The following ANKHD1 variants were observed in gnomAD, a reference collection of about 807,000 sequenced individuals.
The protein encoded by ANKHD1 is ankyrin repeat and KH domain-containing protein 1.
In ANKHD1, 31 loss-of-function variants were observed where a neutral mutation model predicts 230.5. The observed-to-expected ratio is 0.13, with a 90% CI of 0.10 to 0.18. The LOEUF is 0.18. Among genes scored for constraint, ANKHD1 ranks in the 10% least tolerant of loss-of-function variants. The pLI, the probability that ANKHD1 is intolerant of heterozygous loss-of-function variation, is 1.00. For missense variants in ANKHD1, 2,256 were observed against 3,071.3 expected (o/e 0.73, Z 6.27); for synonymous variants, 1,074 against 1,117.6 (o/e 0.96, Z 0.78).
chr5:140,510,073 A>G lies in ANKHD1; in HGVS notation c.3996A>G (p.Ala1332=). 6.2e-7 allele frequency: 1 copy of G among 1,614,178 alleles called. No homozygotes were observed. Among genetic ancestry groups the G allele is most frequent in the Non-Finnish European group, 8.5e-7 (1 of 1,180,012 alleles). The change falls in exon 22 of 34, where the codon GCA becomes GCG. Residue 1332 remains alanine (A), a synonymous_variant. Transcript: ENST00000360839. The stretch of plus-strand genomic sequence containing the variant: ...AGGGAAATACGCCACTTTGGCTGGC[A>G]TCCAATGGAGGTCATTTTGATGTTG... ...NKKGNTPLWL[A]SNGGHFDVVQ... is the part of the protein sequence containing the mutation.
At chr5:140,419,306 T>TG (rs1175000186) in intron 1 of ANKHD1, among the ~76,000 whole-genome samples, 5 of 82,014 alleles carry the variant, frequency 6.1e-5, no homozygotes, top group Non-Finnish European at 1.4e-4. Flanking sequence ...TCCTGTTGAT[T>TG]GGGTTTTTTT....
Position 140,529,482 on chromosome 5 carries a change from T to G in ANKHD1, c.6536T>G (p.Leu2179Arg). The change falls in exon 29 of 34, where the codon CTT becomes CGT. Residue 2179 changes from leucine to arginine, a missense_variant. Physicochemically the swap from Leu to Arg is moderately radical, Grantham distance 102 (BLOSUM62 -2). This residue lies in a region of ANKHD1 where 778 missense variants were observed against 966.5 expected (regional missense o/e 0.80). Coordinates refer to ENST00000360839, the MANE Select transcript of ANKHD1 (RefSeq NM_017747.3). ...PPQGPPAAVQLSSAVNIMNGS... is the reference protein window; with the variant it reads ...PPQGPPAAVQRSSAVNIMNGS... Reference sequence around the variant, plus strand: ...CAAGGCCCACCAGCTGCAGTGCAGCTTTCTTCAGCTGTGAACATTATGAAT... The same window carrying G: ...CAAGGCCCACCAGCTGCAGTGCAGCGTTCTTCAGCTGTGAACATTATGAAT... The G allele has an allele frequency of 1.9e-6, 3 of 1,614,248 alleles. No individual in the cohort carries two copies. The highest frequency in any genetic ancestry group is 2.5e-6 in the Non-Finnish European group (3 of 1,180,044).
At chr5:140,437,650 G>T (rs564876210) in intron 2 of ANKHD1, among the ~76,000 whole-genome samples, 1 of 152,358 alleles carries the variant, frequency 6.6e-6, no homozygotes, top group Admixed American at 6.5e-5. Flanking sequence ...AGGTTGCAGT[G>T]AGTTGGGATT....
intron 5 of ANKHD1, among the ~76,000 whole-genome samples, chr5:140,442,030 A>ATTTTTTT (rs1561726990): frequency 7.4e-6 from 1 of 134,528 alleles, no homozygotes; most frequent in African/African-American, 2.8e-5. Flanking sequence ...CTAATAAGAT[A>ATTTTTTT]TTCTTTTTTT....
intron 1 of ANKHD1, among the ~76,000 whole-genome samples, chr5:140,416,059 T>C (rs1478447857): frequency 1.3e-5 from 2 of 152,158 alleles, no homozygotes; most frequent in Non-Finnish European, 2.9e-5. Flanking sequence ...GTCCTTGCAA[T>C]AGTTTGCTCA....
At chr5:140,532,776 C>A in intron 29 of ANKHD1, 2 of 422,838 alleles carry the variant, frequency 4.7e-6, no homozygotes, top group Non-Finnish European at 4.7e-6. Flanking sequence ...GTGGCATCTA[C>A]ATTTAGGTCC....
At chr5:140,469,799 G>A (rs911435351) in intron 10 of ANKHD1, among the ~76,000 whole-genome samples, 2 of 151,066 alleles carry the variant, frequency 1.3e-5, no homozygotes, top group Non-Finnish European at 2.9e-5. Flanking sequence ...ATTTCTCATA[G>A]TTATTTAAAT....
At chr5:140,445,308 C>G (rs1402063486) in intron 5 of ANKHD1, among the ~76,000 whole-genome samples, 2 of 151,990 alleles carry the variant, frequency 1.3e-5, no homozygotes, top group Non-Finnish European at 2.9e-5. Flanking sequence ...GAGTTTGAGA[C>G]CAGCCTGCCA....
At chr5:140,458,959 T>TATGC (rs1554088290) in intron 8 of ANKHD1, 97 bp downstream of exon 8, 2 of 21,542 alleles carry the variant, frequency 9.3e-5, no homozygotes, top group East Asian at 3.0e-3. Context: ...TATATATATA[T>TATGC]ATATATATAT....
chr5:140,485,712 C>A lies in ANKHD1; in HGVS notation c.2122C>A (p.Pro708Thr), dbSNP rs1429342197. The change falls in exon 13 of 34, where the codon CCT (proline) becomes ACT (threonine). Residue 708 changes from proline to threonine, a missense_variant. Around this residue, in one of 13 missense-constraint regions of ANKHD1, gnomAD observed 358 missense variants for 397.7 expected, o/e 0.90. Transcript: ENST00000360839. This position sits in a 1 kb window ranked among gnomAD's most constrained non-coding sequence, Gnocchi z 4.8. ...PTTDVSQLPP[P>T]SQDQSQVPRV... ...CACAGATGTGTCTCAGCTCCCTCCA[C>A]CTTCTCAAGATCAGTCTCAGGTAAA... 6.2e-7 allele frequency: 1 copy of A among 1,614,024 alleles called. No individual in the cohort carries two copies.
In ANKHD1 at chr5:140,528,814, A is replaced by G. The variant is rs751594624; in HGVS notation, c.5868A>G (p.Ser1956=). The change falls in exon 29 of 34, where the codon TCA becomes TCG. Residue 1956 remains serine, a synonymous_variant. Transcript: ENST00000360839. ...QLCVTNTRTP[S]SVRKQLFACV... ...GTGTCACTAATACCCGGACTCCTTCATCAGTCAGAAAGCAGTTGTTTGCCT... is the reference window on the plus strand; with the variant it reads ...GTGTCACTAATACCCGGACTCCTTCGTCAGTCAGAAAGCAGTTGTTTGCCT... 4.3e-6 allele frequency: 7 copies of G among 1,614,076 alleles called. No individual in the cohort carries two copies. In the East Asian group the frequency reaches 1.6e-4, roughly 36 times the overall value.
chr5:140,438,424 T>G, intron 2 of ANKHD1, 37 bp from the exon 3 acceptor site: 1 of 1,488,074 alleles, frequency 6.7e-7, no homozygotes, highest in Middle Eastern at 1.8e-4. Context: ...TTTTTTTTGT[T>G]GTTCTGCACT....
chr5:140,468,051 T>C (rs1163785320), intron 10 of ANKHD1, among the ~76,000 whole-genome samples: 1 of 112,034 alleles, frequency 8.9e-6, no homozygotes, highest in Non-Finnish European at 1.8e-5. Context: ...GTGTACTAAT[T>C]CTTTTTTTTT....
rs531498614 is a variant in ANKHD1, at chr5:140,506,244, G to A, written c.3408+375G>A. Reference sequence around the variant, plus strand: ...CCTGGCCCTGCACGTATTTTAACATGTTCCATATACTTTCTGAGGAATGGG... The same window carrying A: ...CCTGGCCCTGCACGTATTTTAACATATTCCATATACTTTCTGAGGAATGGG... On this transcript the variant is annotated intron_variant, in intron 18 of 33. Transcript: ENST00000360839. This position sits in a 1 kb window ranked among gnomAD's most constrained non-coding sequence, Gnocchi z 4.7. Among the ~76,000 whole-genome samples, 21 of 151,988 alleles carry A rather than the reference G, an allele frequency of 1.4e-4. No homozygotes were observed. Among genetic ancestry groups the A allele is most frequent in the African/African-American group, 5.1e-4 (21 of 41,400 alleles).
At chr5:140,476,860 A>G (rs1279929229) in intron 10 of ANKHD1, among the ~76,000 whole-genome samples, 2 of 151,886 alleles carry the variant, frequency 1.3e-5, no homozygotes, top group African/African-American at 2.4e-5. Context: ...ATTCTAGAAA[A>G]CAATAGCAGG....
intron 29 of ANKHD1, among the ~76,000 whole-genome samples, chr5:140,532,139 G>T (rs997966048): frequency 6.6e-6 from 1 of 151,550 alleles, no homozygotes; most frequent in Admixed American, 6.6e-5. Flanking sequence ...CACAGGAGGT[G>T]GAGGTTGCAG....
At position 140,486,980 on chromosome 5, in the gene ANKHD1, C is replaced by T. The variant is rs1217997959; in HGVS notation, c.2165C>T (p.Thr722Ile). The T allele has an allele frequency of 1.9e-6, 3 of 1,613,308 alleles. No homozygotes were observed. Among genetic ancestry groups the T allele is most frequent in the Admixed American group, 1.7e-5 (1 of 59,984 alleles). The change falls in exon 14 of 34, where the codon ACA becomes ATA. Residue 722 changes from threonine to isoleucine, a missense_variant. Thr to Ile is a moderately conservative substitution (Grantham distance 89). This residue lies in a region of ANKHD1 where 358 missense variants were observed against 397.7 expected (regional missense o/e 0.90). Coordinates refer to ENST00000360839, the MANE Select transcript of ANKHD1 (RefSeq NM_017747.3). ...TAGGTGCCACGTGTGCCAACGCATA[C>T]ACTTGCCATGGTTGTACCTCCCCAG... is the stretch of plus-strand genomic sequence containing the variant. ...QSQVPRVPTH[T>I]LAMVVPPQEP...
chr5:140,416,475 T>TCCAA (rs1226952235), intron 1 of ANKHD1, among the ~76,000 whole-genome samples: 19 of 152,320 alleles, frequency 1.2e-4, no homozygotes, highest in African/African-American at 4.6e-4. Context: ...TGAATGGCCT[T>TCCAA]GGCATCCTTG....
intron 9 of ANKHD1, among the ~76,000 whole-genome samples, chr5:140,464,230 C>CA (rs566732231): frequency 0.043 from 4,647 of 108,066 alleles, 111 homozygotes; most frequent in African/African-American, 0.092. Flanking sequence ...GACTATCTCT[C>CA]AAAAAAAAAA....
Sources: allele counts gnomAD v4.1 joint callset (sites outside exome capture counted in the v4.1 genomes callset), GRCh38; gene constraint gnomAD v4.1.1; regional missense constraint gnomAD v4.1.1; non-coding constraint Gnocchi (gnomAD v3.1); transcripts MANE v1.5; gene names NCBI Gene and HGNC (gene_info 2026-07-23, HGNC 2026-07-21).